C8B: variants seen among roughly 807,000 people sequenced by gnomAD.
C8B encodes complement C8 beta chain, also known as complement component C8 beta chain.
A neutral mutation model predicts 64.6 loss-of-function variants in C8B; 67 were observed. The observed-to-expected ratio is 1.04, with a 90% CI of 0.85 to 1.27. The LOEUF (loss-of-function observed/expected upper bound fraction) is 1.27, where lower values mean the gene tolerates loss of function less well. C8B is among the 50% of genes most tolerant of loss of function. C8B has a pLI of 0.00. For synonymous variants in C8B, 284 were observed against 257.7 expected (o/e 1.10, Z -0.98); for missense variants, 790 against 725.2 (o/e 1.09, Z -1.03).
chr1:56,939,474 G>A (rs1183129281), intron 9 of C8B, among the ~76,000 whole-genome samples: 2 of 152,206 alleles, frequency 1.3e-5, no homozygotes, highest in Admixed American at 1.3e-4. Context: ...CAGAGCACCA[G>A]TCCCTCAACC....
chr1:56,950,032 C>G (rs559166460), intron 5 of C8B, among the ~76,000 whole-genome samples: 1 of 152,246 alleles, frequency 6.6e-6, no homozygotes, highest in Non-Finnish European at 1.5e-5. Flanking sequence ...GTGGGCTCAG[C>G]TTAAGCAAAA....
intron 8 of C8B, among the ~76,000 whole-genome samples, chr1:56,942,845 T>A (rs1644883761): frequency 6.6e-6 from 1 of 151,928 alleles, no homozygotes; most frequent in African/African-American, 2.4e-5. Flanking sequence ...CCGAGGCTTG[T>A]AGATGGCTTG....
chr1:56,959,181 T>C (rs868353844), intron 2 of C8B, among the ~76,000 whole-genome samples: 4 of 152,184 alleles, frequency 2.6e-5, no homozygotes, highest in Non-Finnish European at 4.4e-5. Context: ...ACAACAACAT[T>C]GCCTTCCCTG....
chr1:56,933,231 C>G (rs1006224926), intron 10 of C8B, 104 bp downstream of exon 10: 1 of 996,862 alleles, frequency 1.0e-6, no homozygotes, highest in Non-Finnish European at 1.6e-6. Flanking sequence ...TCCCAGTGGA[C>G]TAAATTCTGA....
intron 7 of C8B, among the ~76,000 whole-genome samples, chr1:56,945,562 C>A (rs1307563711): frequency 6.6e-6 from 1 of 151,842 alleles, no homozygotes; most frequent in Non-Finnish European, 1.5e-5. Context: ...AGGAAGAGAT[C>A]CAGGAATTAT....
At chr1:56,939,840 T>C (rs1225043797) in intron 9 of C8B, among the ~76,000 whole-genome samples, 2 of 152,224 alleles carry the variant, frequency 1.3e-5, no homozygotes, top group Admixed American at 1.3e-4. Flanking sequence ...TAGCCCTTGA[T>C]TTCTGTCAAC....
chr1:56,952,011 C>G (rs767191726), intron 5 of C8B, 37 bp downstream of exon 5: 13 of 1,612,816 alleles, frequency 8.1e-6, no homozygotes, highest in Non-Finnish European at 1.1e-5. Context: ...GGGTGCTCAG[C>G]TGGGGCTCCC....
intron 9 of C8B, among the ~76,000 whole-genome samples, chr1:56,940,081 C>A (rs1644828919): frequency 6.6e-6 from 1 of 152,004 alleles, no homozygotes; most frequent in African/African-American, 2.4e-5. Context: ...GCATTTTCCT[C>A]TATCTTCCCT....
At chr1:56,936,514 ATTTT>A (rs11310458) in intron 9 of C8B, among the ~76,000 whole-genome samples, 5 of 102,142 alleles carry the variant, frequency 4.9e-5, no homozygotes, top group African/African-American at 1.3e-4. Context: ...TTTGTGGTAA[ATTTT>A]TTTTTTTTTT....
At chr1:56,950,147 A>G (rs1475522953) in intron 5 of C8B, among the ~76,000 whole-genome samples, 2 of 152,188 alleles carry the variant, frequency 1.3e-5, no homozygotes, top group Non-Finnish European at 2.9e-5. Context: ...ATGTTGTGAG[A>G]GGATATTCTG....
At chr1:56,962,467 C>T (rs970528443) in intron 1 of C8B, among the ~76,000 whole-genome samples, 1 of 152,180 alleles carries the variant, frequency 6.6e-6, no homozygotes, top group African/African-American at 2.4e-5. Flanking sequence ...TGTGTGGGAA[C>T]AACATGAGCC....
intron 11 of C8B, among the ~76,000 whole-genome samples, chr1:56,930,537 T>C (rs1432869880): frequency 6.6e-6 from 1 of 152,074 alleles, no homozygotes; most frequent in African/African-American, 2.4e-5. Context: ...ATGGTTGAGG[T>C]GCAAGATGAG....
intron 1 of C8B, among the ~76,000 whole-genome samples, chr1:56,964,674 A>G (rs1271114091): frequency 6.6e-6 from 1 of 152,182 alleles, no homozygotes; most frequent in Admixed American, 6.5e-5. Flanking sequence ...GCCCCGTAGC[A>G]TCTTTTGTAA....
intron 1 of C8B, among the ~76,000 whole-genome samples, chr1:56,960,975 A>G (rs1204879475): frequency 6.6e-6 from 1 of 151,910 alleles, no homozygotes; most frequent in East Asian, 1.9e-4. Flanking sequence ...AGATCTGATC[A>G]TGGAAAGCTA....
intron 4 of C8B, among the ~76,000 whole-genome samples, chr1:56,954,277 G>A (rs1443811224): frequency 6.6e-6 from 1 of 152,152 alleles, no homozygotes; most frequent in Non-Finnish European, 1.5e-5. Context: ...ACCAATGCTG[G>A]GAGATAGGGG....
intron 6 of C8B, among the ~76,000 whole-genome samples, chr1:56,948,028 C>T (rs75931318): frequency 2.4e-3 from 363 of 152,272 alleles, no homozygotes; most frequent in Non-Finnish European, 3.6e-3. Flanking sequence ...ACTGTGAACA[C>T]GAAGGCCAGA....
intron 10 of C8B, among the ~76,000 whole-genome samples, chr1:56,932,496 C>T (rs1644716165): frequency 6.6e-6 from 1 of 152,136 alleles, no homozygotes; most frequent in Non-Finnish European, 1.5e-5. Context: ...AAATTTCGTA[C>T]AAGGCAAGGG....
rs1434285462 is a variant in C8B at position 56,940,982 on chromosome 1, T to G, written c.1265A>C (p.Asp422Ala). 2 of 1,613,470 alleles carry G rather than the reference T, an allele frequency of 1.2e-6. No individual in the cohort carries two copies. Among genetic ancestry groups the G allele is most frequent in the African/African-American group, 2.7e-5 (2 of 74,688 alleles). ...CCCTCCTCGTACCAGGACCACCAAG[T>G]CCTCCACCATGGTGTCCCTCTTGTT... Reference protein sequence around the residue: ...DRNKRDTMVEDLVVLVRGGAS... With the variant: ...DRNKRDTMVEALVVLVRGGAS... The change falls in exon 9 of 12, where the codon GAC (aspartate) becomes GCC (alanine). Residue 422 changes from aspartate (D) to alanine (A), a missense_variant. Asp to Ala is a moderately radical substitution (Grantham distance 126). Transcript: ENST00000371237.
At chr1:56,942,663 C>T (rs1389166995) in intron 8 of C8B, among the ~76,000 whole-genome samples, 4 of 152,034 alleles carry the variant, frequency 2.6e-5, no homozygotes, top group African/African-American at 9.7e-5. Flanking sequence ...GAGGTCATAC[C>T]ACTGCACTCC....
Sources: allele counts gnomAD v4.1 joint callset (sites outside exome capture counted in the v4.1 genomes callset), GRCh38; gene constraint gnomAD v4.1.1; transcripts MANE v1.5; gene names NCBI Gene and HGNC (gene_info 2026-07-23, HGNC 2026-07-21).